The following ACER1 variants were observed in gnomAD, a reference collection of about 807,000 sequenced individuals.
ACER1 encodes CTB-180A7.3.
Under a neutral mutation model 24.9 loss-of-function variants are expected in ACER1, and 28 were observed. The observed-to-expected ratio is 1.13, with a 90% CI of 0.83 to 1.54. The LOEUF (loss-of-function observed/expected upper bound fraction) is 1.54. Among genes scored for constraint, ACER1 ranks in the 40% most tolerant of loss-of-function variants. The probability of loss-of-function intolerance (pLI) is 0.00; values close to 1 mark genes in which losing one functional copy is unlikely to be tolerated. For missense variants in ACER1, 352 were observed against 349.3 expected, an observed-to-expected ratio of 1.01 and a Z score of -0.06; for synonymous variants, 132 against 131.4, an observed-to-expected ratio of 1.00 and a Z score of -0.03.
intron 4 of ACER1, among the ~76,000 whole-genome samples, chr19:6,307,870 T>C (rs1450097109): frequency 4.0e-5 from 6 of 151,694 alleles, no homozygotes; most frequent in Non-Finnish European, 5.9e-5. Flanking sequence ...GTGAATCACT[T>C]CAGGCCAGAA....
At chr19:6,312,833 G>A (rs1015953728) in intron 1 of ACER1, among the ~76,000 whole-genome samples, 5 of 150,942 alleles carry the variant, frequency 3.3e-5, no homozygotes, top group African/African-American at 9.7e-5. Flanking sequence ...GTGCCACCAC[G>A]CCCAGCTAAT....
chr19:6,322,924 A>C (rs1250709777), intron 1 of ACER1, among the ~76,000 whole-genome samples: 2 of 152,036 alleles, frequency 1.3e-5, no homozygotes, highest in East Asian at 1.9e-4. Flanking sequence ...CAGCCTGACC[A>C]ACATGGAGAA....
chr19:6,351,764 T>C, the ACER1 span, among the ~76,000 whole-genome samples: 1 of 145,274 alleles, frequency 6.9e-6, no homozygotes, highest in East Asian at 2.1e-4. Flanking sequence ...ATTTTAAAAT[T>C]TAAACCCTTA....
chr19:6,311,507 A>T (rs1235434289), intron 3 of ACER1, among the ~76,000 whole-genome samples: 2 of 151,890 alleles, frequency 1.3e-5, no homozygotes, highest in African/African-American at 2.4e-5. Context: ...GCACCACTGC[A>T]CTCCAGTGTG....
chr19:6,348,291 C>G, the ACER1 span, among the ~76,000 whole-genome samples: 3 of 151,348 alleles, frequency 2.0e-5, no homozygotes, highest in Admixed American at 6.6e-5. Context: ...ATGGTGAAAC[C>G]CTGTCTCTAC....
At chr19:6,353,768 T>C in the ACER1 span, among the ~76,000 whole-genome samples, 1 of 151,794 alleles carries the variant, frequency 6.6e-6, no homozygotes, top group African/African-American at 2.4e-5. Context: ...GAGGTGGCAG[T>C]GAGCTCAGAT....
At chr19:6,350,672 A>G in the ACER1 span, among the ~76,000 whole-genome samples, 27 of 148,902 alleles carry the variant, frequency 1.8e-4, no homozygotes, top group Admixed American at 6.1e-4. Flanking sequence ...GGATGGAAGG[A>G]AGGAAGGAAG....
chr19:6,357,249 G>A, the ACER1 span, among the ~76,000 whole-genome samples: 6 of 151,632 alleles, frequency 4.0e-5, no homozygotes, highest in Non-Finnish European at 2.9e-5. Flanking sequence ...GTTTCACCAC[G>A]TTGGTCAGGC....
chr19:6,352,246 G>A, the ACER1 span, among the ~76,000 whole-genome samples: 1 of 152,002 alleles, frequency 6.6e-6, no homozygotes, highest in South Asian at 2.1e-4. Flanking sequence ...ATTTGGGTTG[G>A]GCTATGTGAC....
At chr19:6,314,526 AC>A (rs886374561) in intron 1 of ACER1, among the ~76,000 whole-genome samples, 1 of 151,478 alleles carries the variant, frequency 6.6e-6, no homozygotes, top group African/African-American at 2.4e-5. Flanking sequence ...ATGACTCAAG[AC>A]CCCGACGTGC....
chr19:6,318,240 T>G (rs973136436), intron 1 of ACER1, among the ~76,000 whole-genome samples: 1 of 148,222 alleles, frequency 6.7e-6, no homozygotes, highest in Non-Finnish European at 1.5e-5. Context: ...GAGGCCGAGG[T>G]GGGCCGATCA....
intron 1 of ACER1, among the ~76,000 whole-genome samples, chr19:6,312,919 C>T (rs1040596226): frequency 6.6e-6 from 1 of 152,002 alleles, no homozygotes; most frequent in Non-Finnish European, 1.5e-5. Flanking sequence ...TCAGGTGATC[C>T]GCCCATCTTG....
intron 1 of ACER1, among the ~76,000 whole-genome samples, chr19:6,325,619 C>T (rs2091657278): frequency 6.6e-6 from 1 of 152,218 alleles, no homozygotes; most frequent in African/African-American, 2.4e-5. Flanking sequence ...TGCCACTGCA[C>T]TACAGCCTGG....
intron 1 of ACER1, among the ~76,000 whole-genome samples, chr19:6,317,511 T>C (rs552017023): frequency 3.5e-3 from 534 of 152,316 alleles, no homozygotes; most frequent in African/African-American, 0.012. Context: ...GATGCACACA[T>C]ACTCCCAAAC....
At chr19:6,357,293 C>T in the ACER1 span, among the ~76,000 whole-genome samples, 168 of 151,950 alleles carry the variant, frequency 1.1e-3, no homozygotes, top group African/African-American at 3.6e-3. Context: ...GTGAGCCGCC[C>T]GCCTCCGCCT....
At chr19:6,355,748 T>TG in the ACER1 span, among the ~76,000 whole-genome samples, 71 of 92,474 alleles carry the variant, frequency 7.7e-4, 2 homozygotes, top group African/African-American at 2.8e-3. Context: ...AGGAGGGAGG[T>TG]GGGGGGGTCA....
chr19:6,333,460 G>A lies in ACER1; in HGVS notation c.92C>T (p.Thr31Met), dbSNP rs769333107. 1.5e-5 allele frequency: 24 copies of A among 1,586,828 alleles called. No homozygotes were observed. Among genetic ancestry groups the A allele is most frequent in the Non-Finnish European group, 1.5e-5 (17 of 1,165,630 alleles). Residue 31 changes from threonine (T) to methionine (M), a missense_variant and splice_region_variant, in exon 1 of 6, where the codon ACG becomes ATG. Physicochemically the swap from Thr to Met is moderately conservative, Grantham distance 81. Transcript: ENST00000301452. Reference protein sequence around the residue: ...YSELVAEFYNTFSNIPFFIFG... With the variant: ...YSELVAEFYNMFSNIPFFIFG... The stretch of plus-strand genomic sequence containing the variant: ...TCCTTCACACACCCACGCACTCACC[G>A]TGTTGTAGAACTCGGCCACCAGCTC...
chr19:6,349,430 AAAG>A, the ACER1 span, among the ~76,000 whole-genome samples: 2 of 136,448 alleles, frequency 1.5e-5, no homozygotes, highest in African/African-American at 3.0e-5. Context: ...GGAAGGAAGG[AAAG>A]AAGGAAGGGA....
intron 1 of ACER1, among the ~76,000 whole-genome samples, chr19:6,324,462 C>T (rs2091648566): frequency 6.6e-6 from 1 of 151,520 alleles, no homozygotes; most frequent in Non-Finnish European, 1.5e-5. Context: ...CCACCTGCAC[C>T]ATTTGAAACT....
Sources: allele counts gnomAD v4.1 joint callset (sites outside exome capture counted in the v4.1 genomes callset), GRCh38; gene constraint gnomAD v4.1.1; transcripts MANE v1.5; gene names NCBI Gene and HGNC (gene_info 2026-07-23, HGNC 2026-07-21).